Variants in EFCAB12 observed in about 807,000 individuals in gnomAD.
EFCAB12 encodes EF-hand calcium binding domain 12, also known as EF-hand calcium-binding domain-containing protein 12.
A neutral mutation model predicts 53.6 loss-of-function variants in EFCAB12; 43 were observed. The observed-to-expected ratio is 0.80, with a 90% CI of 0.63 to 1.03. The LOEUF is 1.03. EFCAB12 is among the 50% of genes least tolerant of loss of function. The pLI, the probability that EFCAB12 is intolerant of heterozygous loss-of-function variation, is 0.00. For missense variants in EFCAB12, 646 were observed against 730.6 expected (o/e 0.88, Z 1.34); for synonymous variants, 269 against 289.2 (o/e 0.93, Z 0.71).
chr3:129,416,743 G>A (rs970075986), intron 3 of EFCAB12, among the ~76,000 whole-genome samples: 5 of 151,988 alleles, frequency 3.3e-5, no homozygotes, highest in Non-Finnish European at 5.9e-5. Context: ...TCTAACTCCC[G>A]GGCTCAAGTG....
At chr3:129,406,466 G>C (rs1195478549) in intron 6 of EFCAB12, among the ~76,000 whole-genome samples, 1 of 152,122 alleles carries the variant, frequency 6.6e-6, no homozygotes, top group African/African-American at 2.4e-5. Flanking sequence ...TAGTACCTTA[G>C]AATGTGATGT....
intron 4 of EFCAB12, chr3:129,413,748 C>T (rs2072076997): frequency 7.4e-6 from 1 of 134,592 alleles, no homozygotes; most frequent in Non-Finnish European, 1.5e-5. Context: ...AGCCACCTTT[C>T]CTGTTTCTTT....
In EFCAB12 at chr3:129,418,309, C is replaced by A. The variant is rs1297811200; in HGVS notation, c.626G>T (p.Gly209Val). ...GGTGATTCTCTGGTTCTCACCCTGG[C>A]CCACCTTGTGAAATATCTCCAGGAT... ...IKILEIFHKV[G>V]QGENQRITRE... The change falls in exon 3 of 9, where the codon GGC becomes GTC. Residue 209 changes from glycine (G) to valine (V), a missense_variant. By Grantham distance (109) the Gly-to-Val change is moderately radical (BLOSUM62 -3). Transcript: ENST00000505956. The A allele has an allele frequency of 6.2e-7, 1 of 1,613,432 alleles. No homozygotes were observed. The highest frequency in any genetic ancestry group is 8.5e-7 in the Non-Finnish European group (1 of 1,179,526).
At chr3:129,402,721 G>A (rs1385011196) in intron 7 of EFCAB12, 142 bp from the exon 8 acceptor site, 13 of 764,858 alleles carry the variant, frequency 1.7e-5, no homozygotes, top group East Asian at 2.8e-5. Flanking sequence ...CTTCCACCTG[G>A]GGTGGACCCT....
At chr3:129,405,062 AC>A (rs2071930722) in intron 6 of EFCAB12, among the ~76,000 whole-genome samples, 1 of 151,964 alleles carries the variant, frequency 6.6e-6, no homozygotes, top group Non-Finnish European at 1.5e-5. Context: ...CATCCTACCT[AC>A]CCCGGCCTCC....
intron 1 of EFCAB12, 100 bp downstream of exon 1, chr3:129,428,340 G>T (rs1374775229): frequency 1.3e-6 from 2 of 1,488,448 alleles, no homozygotes; most frequent in Admixed American, 2.0e-5. Flanking sequence ...CCCAGAGGGG[G>T]TCGGCACAAT....
At chr3:129,424,700 G>A (rs753236511) in intron 1 of EFCAB12, among the ~76,000 whole-genome samples, 1 of 152,232 alleles carries the variant, frequency 6.6e-6, no homozygotes, top group Non-Finnish European at 1.5e-5. Flanking sequence ...CCACAAGAAA[G>A]TTCATTCCCA....
chr3:129,417,362 CAA>C (rs61426073), intron 3 of EFCAB12, among the ~76,000 whole-genome samples: 18,380 of 123,706 alleles, frequency 0.15, 1,651 homozygotes, highest in African/African-American at 0.26. Context: ...AACCCAAAAC[CAA>C]AAAAAAAAAA....
chr3:129,422,854 C>T (rs962897772), intron 1 of EFCAB12, among the ~76,000 whole-genome samples: 2 of 152,188 alleles, frequency 1.3e-5, no homozygotes, highest in South Asian at 4.1e-4. Flanking sequence ...ATTAAGTCCT[C>T]GGTTTGGGCA....
chr3:129,421,789 T>G lies in EFCAB12; in HGVS notation c.64A>C (p.Lys22Gln), dbSNP rs1361209519. 6 of 1,612,146 alleles carry G rather than the reference T, an allele frequency of 3.7e-6. No homozygotes were observed. Among genetic ancestry groups the G allele is most frequent in the Admixed American group, 3.3e-5 (2 of 59,934 alleles). Residue 22 changes from lysine (K) to glutamine (Q), a missense_variant, in exon 2 of 9, where the codon AAG becomes CAG. Physicochemically the swap from Lys to Gln is moderately conservative, Grantham distance 53. Coordinates refer to ENST00000505956, the MANE Select transcript of EFCAB12 (RefSeq NM_207307.3). Reference sequence around the variant, plus strand: ...GGAGCATTTTCATTGATGGGAGTCTTAGACGGGCAGAGTCCTTGGGGTAAG... The same window carrying G: ...GGAGCATTTTCATTGATGGGAGTCTGAGACGGGCAGAGTCCTTGGGGTAAG... ...FLSLLGLCPSKTPINENAPVF... is the reference protein window; with the variant it reads ...FLSLLGLCPSQTPINENAPVF...
At chr3:129,427,859 G>C (rs1280500383) in intron 1 of EFCAB12, among the ~76,000 whole-genome samples, 1 of 152,098 alleles carries the variant, frequency 6.6e-6, no homozygotes, top group African/African-American at 2.4e-5. Flanking sequence ...AGAGACACCA[G>C]ACCTCTTGGG....
In EFCAB12 at chr3:129,408,768, T is replaced by C; in HGVS notation, c.1126A>G (p.Ile376Val). The part of the protein sequence containing the change: ...HFDEHCLPST[I>V]HGDMRELIDS... ...ATGAGCTCCCTCATATCCCCGTGGA[T>C]GGTGGACGGGAGGCAGTGCTCATCA... The change falls in exon 6 of 9, where the codon ATC (isoleucine) becomes GTC (valine). Residue 376 changes from isoleucine to valine, a missense_variant. By Grantham distance (29) the Ile-to-Val change is conservative (BLOSUM62 3). Transcript: ENST00000505956. 1 of 1,580,740 alleles carries C rather than the reference T, an allele frequency of 6.3e-7. No homozygotes were observed. Among genetic ancestry groups the C allele is most frequent in the African/African-American group, 1.3e-5 (1 of 74,280 alleles).
intron 3 of EFCAB12, among the ~76,000 whole-genome samples, chr3:129,417,452 C>T (rs559637496): frequency 1.3e-5 from 2 of 150,788 alleles, no homozygotes; most frequent in African/African-American, 4.9e-5. Context: ...CTGCTCAACT[C>T]TGCCATTGTA....
chr3:129,401,377 GA>G lies in EFCAB12; in HGVS notation c.*215del, dbSNP rs1296130325. The G allele has an allele frequency of 7.2e-6, 4 of 558,006 alleles. No homozygotes were observed. Among genetic ancestry groups the G allele is most frequent in the Non-Finnish European group, 1.2e-5 (4 of 341,734 alleles). The allele number at this position is 558,006 out of a possible 1,614,324, so 34.6% of individuals were successfully genotyped here. On this transcript the variant is annotated 3_prime_UTR_variant, in exon 9 of 9. Coordinates refer to ENST00000505956, the MANE Select transcript of EFCAB12 (RefSeq NM_207307.3). Reference sequence around the variant, plus strand: ...TAGAAAGGGCAGAGGTCAGGGGAGGGAAATAGTCAAAAACTGCACGTCATTC... The same window carrying G: ...TAGAAAGGGCAGAGGTCAGGGGAGGGAATAGTCAAAAACTGCACGTCATTC...
At chr3:129,402,604 T>C in intron 7 of EFCAB12, 25 bp from the exon 8 acceptor site, 2 of 1,607,788 alleles carry the variant, frequency 1.2e-6, no homozygotes, top group Non-Finnish European at 1.7e-6. Flanking sequence ...AGAGGCATTT[T>C]GTGAGGAGAG....
intron 1 of EFCAB12, among the ~76,000 whole-genome samples, chr3:129,425,614 C>A (rs1278800156): frequency 6.6e-6 from 1 of 152,196 alleles, no homozygotes; most frequent in East Asian, 1.9e-4. Context: ...GGTGCCTGCC[C>A]ACCAAACCTC....
chr3:129,402,689 G>A (rs554190881), intron 7 of EFCAB12, 110 bp from the exon 8 acceptor site: 31 of 1,047,382 alleles, frequency 3.0e-5, no homozygotes, highest in Admixed American at 1.1e-4. Flanking sequence ...AGTCTCAAAC[G>A]AGAGCTCTGA....
intron 4 of EFCAB12, 106 bp from the exon 5 acceptor site, chr3:129,411,460 C>T (rs905221115): frequency 2.6e-6 from 3 of 1,167,550 alleles, no homozygotes; most frequent in South Asian, 1.5e-5. Flanking sequence ...CCAGGCCACC[C>T]CTCCGCTCCC....
intron 3 of EFCAB12, among the ~76,000 whole-genome samples, chr3:129,417,805 G>A (rs942946589): frequency 1.4e-5 from 2 of 140,728 alleles, no homozygotes; most frequent in East Asian, 4.0e-4. Context: ...CCAGGAGCTC[G>A]TTAGAAATAC....
Sources: gnomAD v4.1 joint callset for allele counts (sites outside exome capture counted in the v4.1 genomes callset) on GRCh38, gnomAD v4.1.1 for gene constraint, MANE v1.5 for transcripts, NCBI Gene and HGNC (gene_info 2026-07-23, HGNC 2026-07-21) for gene names.